Variants in CASQ1 observed in about 807,000 individuals in gnomAD.
The protein encoded by CASQ1 is calsequestrin-1.
In CASQ1, 40 loss-of-function variants were observed where a neutral mutation model predicts 49.5. The observed-to-expected ratio is 0.81, with a 90% CI of 0.63 to 1.05. The LOEUF (loss-of-function observed/expected upper bound fraction) is 1.05, where lower values mean the gene tolerates loss of function less well. CASQ1 is among the 50% of genes least tolerant of loss of function. CASQ1 has a pLI of 0.00. For synonymous variants in CASQ1, 174 were observed against 187.2 expected, an observed-to-expected ratio of 0.93 and a Z score of 0.58; for missense variants, 469 against 486.9, an observed-to-expected ratio of 0.96 and a Z score of 0.35.
chr1:160,197,025 G>C (rs978763111), intron 6 of CASQ1, among the ~76,000 whole-genome samples: 1 of 152,200 alleles, frequency 6.6e-6, no homozygotes, highest in African/African-American at 2.4e-5. Context: ...TGCTGAGGTT[G>C]AATAATCCTG....
rs371370189 is a variant in CASQ1, at chr1:160,199,860, T to C, written c.994T>C (p.Tyr332His). 10 of 1,608,770 alleles carry C rather than the reference T, an allele frequency of 6.2e-6. No individual in the cohort carries two copies. The African/African-American group carries it at 9.4e-5, about 15-fold the overall frequency. Residue 332 changes from tyrosine to histidine, a missense_variant, in exon 10 of 11, where the codon TAC (tyrosine) becomes CAC (histidine). Coordinates refer to ENST00000368078, the MANE Select transcript of CASQ1 (RefSeq NM_001231.5). Reference protein sequence around the residue: ...DPDDFPLLVPYWEKTFDIDLS... With the variant: ...DPDDFPLLVPHWEKTFDIDLS... ...TTTGATCTCTCTACAGCTGGTCCCA[T>C]ACTGGGAGAAGACGTTTGACATCGA... is the stretch of plus-strand genomic sequence containing the variant.
Position 160,201,128 on chromosome 1 carries a change from G to A in CASQ1, c.1060-117G>A, listed in dbSNP as rs1312109004. On this transcript the variant is annotated intron_variant, in intron 10 of 10. Coordinates refer to ENST00000368078, the MANE Select transcript of CASQ1 (RefSeq NM_001231.5). The stretch of plus-strand genomic sequence containing the variant: ...TGGACAGTTTCCCTGGCCTTTGGCA[G>A]ATGAAAGGAAGGGACTGAGAATGTA... The A allele has an allele frequency of 2.7e-6, 3 of 1,093,738 alleles. No homozygotes were observed. In the Admixed American group the frequency reaches 6.2e-5, roughly 23 times the overall value. 67.8% of individuals were successfully genotyped at this position (1,093,738 alleles called of 1,614,324 possible).
chr1:160,194,442 AAC>A (rs1654160338), intron 3 of CASQ1, among the ~76,000 whole-genome samples: 1 of 22,042 alleles, frequency 4.5e-5, no homozygotes, highest in Non-Finnish European at 2.2e-4. Flanking sequence ...CCACACACAC[AAC>A]ACACACCACA....
chr1:160,192,862 G>C lies in CASQ1; in HGVS notation c.340G>C (p.Asp114His). 1 of 1,613,802 alleles carries C rather than the reference G, an allele frequency of 6.2e-7. No individual in the cohort carries two copies. Among genetic ancestry groups the C allele is most frequent in the South Asian group, 1.1e-5 (1 of 91,074 alleles). ...VGFGLVDSEK[D>H]AAVAKKLGLT... ...CTTCGGGCTGGTAGACTCTGAGAAG[G>C]ATGCAGCTGTGGCCAAGAAACTAGG... The change falls in exon 2 of 11, where the codon GAT becomes CAT. Residue 114 changes from aspartate (D) to histidine (H), a missense_variant. By Grantham distance (81) the Asp-to-His change is moderately conservative. Coordinates refer to ENST00000368078, the MANE Select transcript of CASQ1 (RefSeq NM_001231.5).
intron 5 of CASQ1, 118 bp downstream of exon 5, chr1:160,195,652 G>GCC (rs66663076): frequency 0.013 from 8,956 of 711,756 alleles, 118 homozygotes; most frequent in African/African-American, 0.025. Context: ...CTCCCTACCT[G>GCC]CCCCCCCCCC....
intron 1 of CASQ1, among the ~76,000 whole-genome samples, chr1:160,191,664 A>G (rs1654078228): frequency 6.6e-6 from 1 of 152,102 alleles, no homozygotes; most frequent in Non-Finnish European, 1.5e-5. Flanking sequence ...GTCTTCCCCA[A>G]TCTTCTTTTT....
intron 3 of CASQ1, among the ~76,000 whole-genome samples, chr1:160,194,449 A>C: frequency 6.7e-5 from 1 of 15,020 alleles, no homozygotes; most frequent in African/African-American, 7.9e-5. Context: ...CACAACACAC[A>C]CCACACACAC....
In CASQ1 at chr1:160,198,005, C is replaced by T. The variant is rs190010744; in HGVS notation, c.828+391C>T. On this transcript the variant is annotated intron_variant, in intron 7 of 10. Coordinates refer to ENST00000368078, the MANE Select transcript of CASQ1 (RefSeq NM_001231.5). ...CAGCCTGGGGGACAGAGTGAGACTC[C>T]GTCTCAAAAAAAAAGAAAAAAGAAA... is the stretch of plus-strand genomic sequence containing the variant. 4.8e-4 allele frequency among the ~76,000 whole-genome samples: 72 copies of T among 150,098 alleles called. No homozygotes were observed. In the East Asian group the frequency reaches 0.012, roughly 26 times the overall value.
rs1376535190 is a variant in CASQ1, at chr1:160,190,999, G to C, written c.248G>C (p.Arg83Thr). The C allele has an allele frequency of 6.2e-7, 1 of 1,614,150 alleles. No homozygotes were observed. Among genetic ancestry groups the C allele is most frequent in the Non-Finnish European group, 8.5e-7 (1 of 1,180,014 alleles). Reference protein sequence around the residue: ...EPPEDDKASQRQFEMEELILE... With the variant: ...EPPEDDKASQTQFEMEELILE... The stretch of plus-strand genomic sequence containing the variant: ...CCCGAGGATGACAAGGCCTCACAAA[G>C]ACAATTTGAGATGGAGGAGCTGATC... Residue 83 changes from arginine to threonine, a missense_variant, in exon 1 of 11, where the codon AGA (arginine) becomes ACA (threonine). Arg to Thr is a moderately conservative substitution (Grantham distance 71). Transcript: ENST00000368078.
intron 5 of CASQ1, 67 bp from the exon 6 acceptor site, chr1:160,195,830 A>G (rs1181674793): frequency 6.5e-7 from 1 of 1,537,838 alleles, no homozygotes; most frequent in Non-Finnish European, 8.9e-7. Context: ...TTGTTCCCCC[A>G]TTATACTGCT....
chr1:160,195,455 C>A lies in CASQ1; in HGVS notation c.578-6C>A, dbSNP rs772050082. On this transcript the variant is annotated splice_region_variant and splice_polypyrimidine_tract_variant and intron_variant, in intron 4 of 10. Transcript: ENST00000368078. ...CCAGAGACTGACTCTGCATTCCACC[C>A]CCCAGATTACAAAGCCTTCGAGGAT... The A allele has an allele frequency of 7.4e-6, 12 of 1,613,796 alleles. No individual in the cohort carries two copies. Among genetic ancestry groups the A allele is most frequent in the East Asian group, 2.2e-5 (1 of 44,886 alleles).
At position 160,201,235 on chromosome 1, in the gene CASQ1, C is replaced by A; in HGVS notation, c.1060-10C>A. 6.2e-7 allele frequency: 1 copy of A among 1,611,504 alleles called. No individual in the cohort carries two copies. Among genetic ancestry groups the A allele is most frequent in the South Asian group, 1.1e-5 (1 of 90,370 alleles). On this transcript the variant is annotated splice_polypyrimidine_tract_variant and intron_variant, in intron 10 of 10. Coordinates refer to ENST00000368078, the MANE Select transcript of CASQ1 (RefSeq NM_001231.5). ...ACTTAGCTTCCGTCCCTGCCTGTGCCATCTCCTAGGCGGATAGCGTATGGA... is the reference window on the plus strand; with the variant it reads ...ACTTAGCTTCCGTCCCTGCCTGTGCAATCTCCTAGGCGGATAGCGTATGGA...
In CASQ1 at chr1:160,190,852, G is replaced by A; in HGVS notation, c.101G>A (p.Gly34Glu). Residue 34 changes from glycine (G) to glutamate (E), a missense_variant, in exon 1 of 11, where the codon GGG becomes GAG. By Grantham distance (98) the Gly-to-Glu change is moderately conservative. Coordinates refer to ENST00000368078, the MANE Select transcript of CASQ1 (RefSeq NM_001231.5). ...VLGTPKSGVQ[G>E]QEGLDFPEYD... Reference sequence around the variant, plus strand: ...GGGACACCCAAGTCAGGGGTACAGGGGCAGGAAGGGCTGGACTTCCCTGAG... The same window carrying A: ...GGGACACCCAAGTCAGGGGTACAGGAGCAGGAAGGGCTGGACTTCCCTGAG... 1 of 1,614,186 alleles carries A rather than the reference G, an allele frequency of 6.2e-7. No homozygotes were observed. The highest frequency in any genetic ancestry group is 8.5e-7 in the Non-Finnish European group (1 of 1,180,028).
In CASQ1 at chr1:160,197,746, T is replaced by C. The variant is rs115814605; in HGVS notation, c.828+132T>C. 3,330 of 682,626 alleles carry C rather than the reference T, an allele frequency of 4.9e-3. 64 individuals carry two copies. The African/African-American group carries it at 0.05, about 10-fold the overall frequency. 42.3% of individuals were successfully genotyped at this position (682,626 alleles called of 1,614,324 possible). A position where few individuals can be genotyped will look rare whatever the true frequency, so the allele number is the denominator to read the frequency against. ...AAACAGTGCACTGACCAGCTGGGTGTGGTGGCTCATGCCTGTAATCCCAGC... is the reference window on the plus strand; with the variant it reads ...AAACAGTGCACTGACCAGCTGGGTGCGGTGGCTCATGCCTGTAATCCCAGC... On this transcript the variant is annotated intron_variant, in intron 7 of 10. Coordinates refer to ENST00000368078, the MANE Select transcript of CASQ1 (RefSeq NM_001231.5).
chr1:160,199,970 C>T, intron 10 of CASQ1, 45 bp downstream of exon 10: 1 of 1,279,550 alleles, frequency 7.8e-7, no homozygotes, highest in Non-Finnish European at 1.1e-6. Context: ...GACTCTACTT[C>T]CTAGCATAGC....
intron 7 of CASQ1, among the ~76,000 whole-genome samples, 200 bp downstream of exon 7, chr1:160,197,814 C>G (rs879243111): frequency 2.0e-5 from 3 of 151,546 alleles, no homozygotes; most frequent in Non-Finnish European, 4.4e-5. Context: ...GTCAGGAGAT[C>G]GAGACCATCC....
chr1:160,195,213 T>C, intron 4 of CASQ1, 90 bp downstream of exon 4: 1 of 856,166 alleles, frequency 1.2e-6, no homozygotes, highest in Non-Finnish European at 1.9e-6. Flanking sequence ...TGTCTCAGCC[T>C]CTACCTCTGC....
intron 6 of CASQ1, 63 bp from the exon 7 acceptor site, chr1:160,197,506 G>A: frequency 8.4e-7 from 1 of 1,193,104 alleles, no homozygotes; most frequent in Non-Finnish European, 1.3e-6. Context: ...TTTGCTACAG[G>A]ACCCTCTGGA....
rs181276606 is a variant in CASQ1 at position 160,192,510 on chromosome 1, G to A, written c.280-292G>A. ...GGAAGGGGCCCTCAGTCACTCTGAA[G>A]CCAGACTCCTCAGTACCTCTTAGGC... On this transcript the variant is annotated intron_variant, in intron 1 of 10. Coordinates refer to ENST00000368078, the MANE Select transcript of CASQ1 (RefSeq NM_001231.5). 3 of 274,956 alleles carry A rather than the reference G, an allele frequency of 1.1e-5. No homozygotes were observed. The Admixed American group carries it at 1.5e-4, about 14-fold the overall frequency. The allele number at this position is 274,956 out of a possible 1,614,324, so 17.0% of individuals were successfully genotyped here. A position where few individuals can be genotyped will look rare whatever the true frequency, so the allele number is the denominator to read the frequency against.
Sources: gnomAD v4.1 joint callset for allele counts (sites outside exome capture counted in the v4.1 genomes callset) on GRCh38, gnomAD v4.1.1 for gene constraint, MANE v1.5 for transcripts, NCBI Gene and HGNC (gene_info 2026-07-23, HGNC 2026-07-21) for gene names.